ARRDC5: variants seen among roughly 807,000 people sequenced by gnomAD.
ARRDC5 encodes arrestin domain containing 5.
A neutral mutation model predicts 13.3 loss-of-function variants in ARRDC5; 12 were observed. That is an observed-to-expected ratio of 0.90 (90% CI 0.58 to 1.46). ARRDC5 has a LOEUF of 1.46. ARRDC5 is among the 40% of genes most tolerant of loss of function. The pLI, the probability that ARRDC5 is intolerant of heterozygous loss-of-function variation, is 0.00. For synonymous variants in ARRDC5, 181 were observed against 173.4 expected (o/e 1.04, Z -0.34); for missense variants, 406 against 418.7 (o/e 0.97, Z 0.26).
chr19:4,896,667 G>A lies in ARRDC5; in HGVS notation c.459+4C>T, dbSNP rs1182057928. On this transcript the variant is annotated splice_donor_region_variant and intron_variant, in intron 2 of 2. Coordinates refer to ENST00000650722, the MANE Select transcript of ARRDC5 (RefSeq NM_001080523.3). ...TCCCACCTCCACCTTTCCCCCATCG[G>A]TACCTGGAATGGGGTTTCTTTGTGG... The A allele has an allele frequency of 3.1e-6, 5 of 1,603,258 alleles. No homozygotes were observed. Among genetic ancestry groups the A allele is most frequent in the Non-Finnish European group, 4.3e-6 (5 of 1,170,558 alleles).
chr19:4,896,361 TAC>T (rs71170877), intron 2 of ARRDC5, among the ~76,000 whole-genome samples: 4,376 of 84,372 alleles, frequency 0.052, 209 homozygotes, highest in East Asian at 0.078. Flanking sequence ...TTTTTTTTTT[TAC>T]ACACACACAC....
At chr19:4,913,148 C>T in the ARRDC5 span, among the ~76,000 whole-genome samples, 1 of 151,852 alleles carries the variant, frequency 6.6e-6, no homozygotes, top group Non-Finnish European at 1.5e-5. Flanking sequence ...TATCTCCCCT[C>T]ATTTGTAACA....
the ARRDC5 span, among the ~76,000 whole-genome samples, chr19:4,911,358 G>C: frequency 3.3e-5 from 5 of 152,282 alleles, no homozygotes; most frequent in South Asian, 2.1e-4. Context: ...CCGATGGAAG[G>C]CTGAGGAATT....
rs139019426 is a variant in ARRDC5 at position 4,891,383 on chromosome 19, T to C, written c.650A>G (p.Gln217Arg). ...TGCACTGGGCGTGAAGCCCTCGTAC[T>C]GTATGTGGGCATACAGGGCGAATAC... Reference protein sequence around the residue: ...TVVFALYAHIQYEGFTPSAER... With the variant: ...TVVFALYAHIRYEGFTPSAER... The change falls in exon 3 of 3, where the codon CAG becomes CGG. Residue 217 changes from glutamine to arginine, a missense_variant. Transcript: ENST00000650722. 1,184 of 1,613,616 alleles carry C rather than the reference T, an allele frequency of 7.3e-4. 6 individuals carry two copies. The African/African-American group carries it at 0.014, about 19-fold the overall frequency.
the ARRDC5 span, among the ~76,000 whole-genome samples, chr19:4,913,973 A>G: frequency 2.0e-4 from 31 of 151,918 alleles, 1 homozygote; most frequent in African/African-American, 7.2e-4. Context: ...CACCATGCGC[A>G]GCTAATTTTT....
At chr19:4,902,131 C>T (rs1409901144) in intron 1 of ARRDC5, among the ~76,000 whole-genome samples, 1 of 152,092 alleles carries the variant, frequency 6.6e-6, no homozygotes, top group African/African-American at 2.4e-5. Context: ...CTCAAGTGAT[C>T]CACCTGCCTC....
the ARRDC5 span, among the ~76,000 whole-genome samples, chr19:4,908,049 C>T: frequency 2.0e-5 from 3 of 152,284 alleles, no homozygotes; most frequent in Non-Finnish European, 4.4e-5. Context: ...TCCACTTTCC[C>T]ATCTCCTTTG....
chr19:4,894,046 T>TAA (rs34393455), intron 2 of ARRDC5, among the ~76,000 whole-genome samples: 2 of 121,156 alleles, frequency 1.7e-5, no homozygotes, highest in Admixed American at 8.8e-5. Flanking sequence ...AGACTCTGCC[T>TAA]AAAAAAAAAA....
In ARRDC5 at chr19:4,891,069, C is replaced by T. The variant is rs370201794; in HGVS notation, c.964G>A (p.Val322Met). ...CQLSEDGVLP[V>M]NPDHQN ...ACTTAATTCTGGTGATCTGGGTTCA[C>T]GGGTAACACTCCGTCCTCTGACAGC... is the stretch of plus-strand genomic sequence containing the variant. The change falls in exon 3 of 3, where the codon GTG (valine) becomes ATG (methionine). Residue 322 changes from valine (V) to methionine (M), a missense_variant. By Grantham distance (21) the Val-to-Met change is conservative. Coordinates refer to ENST00000650722, the MANE Select transcript of ARRDC5 (RefSeq NM_001080523.3). 1.4e-5 allele frequency: 22 copies of T among 1,612,458 alleles called. 1 individual carries two copies. Among genetic ancestry groups the T allele is most frequent in the Middle Eastern group, 3.3e-4 (2 of 6,064 alleles).
chr19:4,911,580 C>T, the ARRDC5 span, among the ~76,000 whole-genome samples: 9 of 152,176 alleles, frequency 5.9e-5, no homozygotes, highest in South Asian at 6.2e-4. Context: ...TGCTGTGCTG[C>T]GGCTGCTGCT....
At chr19:4,911,199 C>T in the ARRDC5 span, among the ~76,000 whole-genome samples, 4 of 152,124 alleles carry the variant, frequency 2.6e-5, no homozygotes, top group African/African-American at 4.8e-5. Context: ...CCTCAAATGC[C>T]TGCGAGAGGA....
At chr19:4,897,583 T>C (rs2031777517) in intron 1 of ARRDC5, among the ~76,000 whole-genome samples, 1 of 152,080 alleles carries the variant, frequency 6.6e-6, no homozygotes, top group South Asian at 2.1e-4. Flanking sequence ...AGTGGTGTGA[T>C]CATGGTCACT....
upstream of ARRDC5, among the ~76,000 whole-genome samples, chr19:4,907,704 CTTTTTTTTTTTTTT>C (rs59867968): frequency 1.3e-4 from 6 of 47,704 alleles, no homozygotes; most frequent in East Asian, 6.4e-4. Flanking sequence ...TTGGCCTGAT[CTTTTTTTTTTTTTT>C]TTTTTTTTTT....
intron 2 of ARRDC5, among the ~76,000 whole-genome samples, chr19:4,893,604 T>C (rs762727851): frequency 9.3e-5 from 14 of 151,016 alleles, no homozygotes; most frequent in Non-Finnish European, 1.8e-4. Flanking sequence ...TTGAAAAACA[T>C]TGCTGGCTGG....
intron 2 of ARRDC5, among the ~76,000 whole-genome samples, chr19:4,892,914 C>A (rs1320731243): frequency 6.6e-6 from 1 of 150,768 alleles, no homozygotes; most frequent in Admixed American, 6.7e-5. Flanking sequence ...ACCATCCTGG[C>A]CAACTTGGTG....
At chr19:4,909,911 C>A in the ARRDC5 span, among the ~76,000 whole-genome samples, 2 of 151,142 alleles carry the variant, frequency 1.3e-5, no homozygotes, top group African/African-American at 2.4e-5. Flanking sequence ...CCTGGCGAGC[C>A]GCCGGGGAGG....
upstream of ARRDC5, among the ~76,000 whole-genome samples, chr19:4,906,847 G>A (rs1599228476): frequency 6.6e-6 from 1 of 152,224 alleles, no homozygotes; most frequent in Non-Finnish European, 1.5e-5. Flanking sequence ...GATGTGTTCT[G>A]ATAGAAATAG....
chr19:4,893,274 G>A (rs1325756038), intron 2 of ARRDC5, among the ~76,000 whole-genome samples: 1 of 140,478 alleles, frequency 7.1e-6, no homozygotes, highest in Non-Finnish European at 1.5e-5. Flanking sequence ...GGGGGGCCGA[G>A]GCAGGAGGAT....
Position 4,890,675 on chromosome 19 carries a change from T to C in ARRDC5, c.*371A>G, listed in dbSNP as rs1264074168. The C allele has an allele frequency of 3.9e-6, 1 of 256,156 alleles. No homozygotes were observed. Among genetic ancestry groups the C allele is most frequent in the East Asian group, 1.0e-4 (1 of 10,036 alleles). 15.9% of individuals were successfully genotyped at this position (256,156 alleles called of 1,614,324 possible). A position where few individuals can be genotyped will look rare whatever the true frequency, so the allele number is the denominator to read the frequency against. On this transcript the variant is annotated 3_prime_UTR_variant, in exon 3 of 3. Coordinates refer to ENST00000650722, the MANE Select transcript of ARRDC5 (RefSeq NM_001080523.3). ...ACCCTCTCCACGCCAATAAGACTCT[T>C]CTCCCCCGATCCCCTGCAGTTGTGA...
Sources: allele counts gnomAD v4.1 joint callset (sites outside exome capture counted in the v4.1 genomes callset), GRCh38; gene constraint gnomAD v4.1.1; transcripts MANE v1.5; gene names NCBI Gene and HGNC (gene_info 2026-07-23, HGNC 2026-07-21).